PKIB: variants seen among roughly 807,000 people sequenced by gnomAD.
The protein encoded by PKIB is PKI-beta.
PKIB carries 2 observed loss-of-function variants against 4.5 expected under a neutral mutation model. That is an observed-to-expected ratio of 0.44 (90% CI 0.18 to 1.39). The LOEUF (loss-of-function observed/expected upper bound fraction) is 1.39, where lower values mean the gene tolerates loss of function less well. Ranked by LOEUF, PKIB falls within the 40% of genes most tolerant of loss-of-function variation. The pLI is 0.27. For synonymous variants in PKIB, 38 were observed against 36.0 expected (o/e 1.06, Z -0.20); for missense variants, 94 against 92.6 (o/e 1.02, Z -0.06).
At chr6:122,480,706 C>T (rs1361560746) in intron 2 of PKIB, 1 of 151,876 alleles carries the variant, frequency 6.6e-6, no homozygotes, top group East Asian at 1.9e-4. Flanking sequence ...AATTTTTTTT[C>T]AAACAATTTT....
chr6:122,550,112 A>G (rs1206530070), intron 2 of PKIB, among the ~76,000 whole-genome samples: 1 of 151,728 alleles, frequency 6.6e-6, no homozygotes, highest in Non-Finnish European at 1.5e-5. Context: ...ATGGGGTTTC[A>G]CCATGTTGCC....
chr6:122,663,275 C>G (rs947508429), intron 2 of PKIB, among the ~76,000 whole-genome samples: 2 of 152,150 alleles, frequency 1.3e-5, no homozygotes, highest in East Asian at 3.9e-4. Context: ...ATTGGCTACA[C>G]ATTTAGGGAT....
intron 1 of PKIB, among the ~76,000 whole-genome samples, chr6:122,621,590 G>A (rs908940958): frequency 6.6e-6 from 1 of 152,180 alleles, no homozygotes; most frequent in Admixed American, 6.5e-5. Flanking sequence ...CACATAAAGG[G>A]GAAGGTGTTC....
chr6:122,565,254 T>TGC (rs1313229323), intron 2 of PKIB, among the ~76,000 whole-genome samples: 1 of 152,170 alleles, frequency 6.6e-6, no homozygotes, highest in East Asian at 1.9e-4. Flanking sequence ...AAAATACCAC[T>TGC]CAAAGTTCTT....
In PKIB at chr6:122,662,308, C is replaced by CTTTTTTTTTTTTTTTTT. The variant is rs71021412; in HGVS notation, c.-75-12757_-75-12741dup. On this transcript the variant is annotated intron_variant, in intron 2 of 4. Coordinates refer to ENST00000368452, the MANE Select transcript of PKIB (RefSeq NM_181795.3). ...CTCTCCTTCTTTCTTTCCTTGTCTC[C>CTTTTTTTTTTTTTTTTT]TTTTTTTTTTTTTTTTTTTTTTTTT... Among the ~76,000 whole-genome samples, 25 of 13,260 alleles carry CTTTTTTTTTTTTTTTTT rather than the reference C, an allele frequency of 1.9e-3. 6 individuals are homozygous for CTTTTTTTTTTTTTTTTT. Among genetic ancestry groups the CTTTTTTTTTTTTTTTTT allele is most frequent in the Non-Finnish European group, 3.0e-3 (20 of 6,646 alleles). 8.7% of individuals were successfully genotyped at this position (13,260 alleles called of 152,430 possible). A position where few individuals can be genotyped will look rare whatever the true frequency, so the allele number is the denominator to read the frequency against.
chr6:122,675,756 C>A (rs1213561936), intron 3 of PKIB, among the ~76,000 whole-genome samples: 1 of 151,576 alleles, frequency 6.6e-6, no homozygotes, highest in Non-Finnish European at 1.5e-5. Flanking sequence ...TTTTCACAAA[C>A]AAATATTTTA....
chr6:122,622,272 A>G (rs1273749400), intron 1 of PKIB, among the ~76,000 whole-genome samples: 1 of 150,068 alleles, frequency 6.7e-6, no homozygotes, highest in Admixed American at 6.7e-5. Flanking sequence ...GGAAACTTTC[A>G]AAGTCATAAT....
In PKIB at chr6:122,552,931, G is replaced by A. The variant is rs116650548; in HGVS notation, c.-247-32990G>A. 5.2e-3 allele frequency among the ~76,000 whole-genome samples: 786 copies of A among 152,242 alleles called. 9 individuals are homozygous for A. The highest frequency in any genetic ancestry group is 0.018 in the African/African-American group (743 of 41,544). The stretch of plus-strand genomic sequence containing the variant: ...TCTTTGGGCTCTAGCTCATTGTAAA[G>A]AGTAGTGGCTACTCCTTATATCTGC... On this transcript the variant is annotated intron_variant, in intron 2 of 6. Coordinates refer to the PKIB transcript ENST00000392491.
At chr6:122,551,503 G>T (rs1582693432) in intron 2 of PKIB, among the ~76,000 whole-genome samples, 3 of 152,096 alleles carry the variant, frequency 2.0e-5, no homozygotes, top group African/African-American at 2.4e-5. Flanking sequence ...GAGAACATTT[G>T]AACTTTCTTC....
chr6:122,557,196 G>C (rs1395386197), intron 2 of PKIB, among the ~76,000 whole-genome samples: 1 of 152,100 alleles, frequency 6.6e-6, no homozygotes, highest in East Asian at 1.9e-4. Flanking sequence ...GGGCAAAAGA[G>C]AAAAACTTCA....
chr6:122,514,297 A>G (rs1776678558), intron 2 of PKIB, among the ~76,000 whole-genome samples: 1 of 152,202 alleles, frequency 6.6e-6, no homozygotes. Context: ...ATGCCTGGAA[A>G]AAAACCCATG....
intron 2 of PKIB, among the ~76,000 whole-genome samples, chr6:122,665,977 C>T (rs933616020): frequency 6.6e-5 from 10 of 152,174 alleles, no homozygotes; most frequent in Admixed American, 1.3e-4. Flanking sequence ...ACTTTTCGGA[C>T]ATTGTCTCAT....
At position 122,547,526 on chromosome 6, in the gene PKIB, C is replaced by T. The variant is rs985007205; in HGVS notation, c.-247-38395C>T. Among the ~76,000 whole-genome samples the T allele has an allele frequency of 2.6e-4, 40 of 151,682 alleles. 1 individual carries two copies. The highest frequency in any genetic ancestry group is 7.8e-4 in the African/African-American group (32 of 41,082). On this transcript the variant is annotated intron_variant, in intron 2 of 6. Transcript: ENST00000392491. ...AATTTTTTTGTATTTTTAGTAGAGA[C>T]GGGATTTCACCGTGTTGGCCAGGCT...
At chr6:122,506,073 C>CT (rs559332988) in intron 2 of PKIB, among the ~76,000 whole-genome samples, 18 of 151,870 alleles carry the variant, frequency 1.2e-4, no homozygotes, top group African/African-American at 3.9e-4. Flanking sequence ...TTGGTAAACA[C>CT]TTTTTTTTAA....
intron 3 of PKIB, among the ~76,000 whole-genome samples, chr6:122,677,808 G>A (rs17084710): frequency 0.052 from 7,944 of 151,986 alleles, 242 homozygotes; most frequent in East Asian, 0.13. Context: ...TGCCATTTTA[G>A]GAACCTATGC....
chr6:122,704,400 C>A (rs1349556624), intron 3 of PKIB, among the ~76,000 whole-genome samples: 4 of 151,986 alleles, frequency 2.6e-5, no homozygotes, highest in African/African-American at 7.3e-5. Flanking sequence ...AATTAGCAAA[C>A]TTCTTAACAG....
At chr6:122,489,907 G>C (rs1200877029) in intron 2 of PKIB, among the ~76,000 whole-genome samples, 1 of 152,130 alleles carries the variant, frequency 6.6e-6, no homozygotes, top group African/African-American at 2.4e-5. Context: ...TGCTTTTTGA[G>C]ATCTATTTTT....
At chr6:122,697,219 A>G (rs1413712947) in intron 3 of PKIB, among the ~76,000 whole-genome samples, 1 of 152,014 alleles carries the variant, frequency 6.6e-6, no homozygotes, top group African/African-American at 2.4e-5. Context: ...TCAAGGATAA[A>G]TAGAAACTGT....
chr6:122,544,527 G>A (rs935446753), intron 2 of PKIB, among the ~76,000 whole-genome samples: 1 of 152,002 alleles, frequency 6.6e-6, no homozygotes, highest in African/African-American at 2.4e-5. Context: ...CTACCCTGGG[G>A]TTCCAACCTG....
Sources: allele counts gnomAD v4.1 joint callset (sites outside exome capture counted in the v4.1 genomes callset), GRCh38; gene constraint gnomAD v4.1.1; transcripts MANE v1.5; gene names NCBI Gene and HGNC (gene_info 2026-07-23, HGNC 2026-07-21).